ZNF804A: variants seen among roughly 807,000 people sequenced by gnomAD.
ZNF804A encodes zinc finger protein 804A.
In ZNF804A, 2 loss-of-function variants were observed where a neutral mutation model predicts 16.5. The observed-to-expected ratio is 0.12, with a 90% CI of 0.05 to 0.38. The LOEUF (loss-of-function observed/expected upper bound fraction) is 0.38. Among genes scored for constraint, ZNF804A ranks in the 10% least tolerant of loss-of-function variants. ZNF804A has a pLI of 0.99. For synonymous variants in ZNF804A, 534 were observed against 489.6 expected, an observed-to-expected ratio of 1.09 and a Z score of -1.20; for missense variants, 1,473 against 1,390.7, an observed-to-expected ratio of 1.06 and a Z score of -0.94.
At chr2:184,869,436 T>C (rs1259747948) in intron 2 of ZNF804A, among the ~76,000 whole-genome samples, 1 of 152,000 alleles carries the variant, frequency 6.6e-6, no homozygotes, top group Non-Finnish European at 1.5e-5. Flanking sequence ...GATTTATTAA[T>C]GGAATGAGTT....
chr2:184,757,215 T>C (rs922909079), intron 1 of ZNF804A, among the ~76,000 whole-genome samples: 3 of 152,020 alleles, frequency 2.0e-5, no homozygotes, highest in Non-Finnish European at 2.9e-5. Flanking sequence ...ATCAAGGAAG[T>C]GATCTTCAGA....
rs145326040 is a variant in ZNF804A at position 184,724,825 on chromosome 2, T to A, written c.111+125755T>A. ...AGACGTGAGAGTATGGCTAGAAATT[T>A]GTCAAATAGCAAAGTAGTTTTATAA... On this transcript the variant is annotated intron_variant, in intron 1 of 3. Transcript: ENST00000302277. Among the ~76,000 whole-genome samples, 519 of 151,848 alleles carry A rather than the reference T, an allele frequency of 3.4e-3. 2 individuals carry two copies. Among genetic ancestry groups the A allele is most frequent in the African/African-American group, 0.012 (490 of 41,522 alleles).
chr2:184,748,341 C>A (rs1207253179), intron 1 of ZNF804A, among the ~76,000 whole-genome samples: 1 of 149,962 alleles, frequency 6.7e-6, no homozygotes, highest in African/African-American at 2.4e-5. Flanking sequence ...GAGATGGTTT[C>A]TCATTGGGAT....
chr2:184,617,752 A>T (rs1460467590), intron 1 of ZNF804A, among the ~76,000 whole-genome samples: 1 of 151,564 alleles, frequency 6.6e-6, no homozygotes, highest in Non-Finnish European at 1.5e-5. Flanking sequence ...AACACCTTTG[A>T]TTAATCTTCT....
intron 1 of ZNF804A, among the ~76,000 whole-genome samples, chr2:184,767,079 A>G (rs1694139697): frequency 6.6e-6 from 1 of 152,260 alleles, no homozygotes; most frequent in Non-Finnish European, 1.5e-5. Context: ...GAAGAATGTA[A>G]CCTTAACAGC....
At chr2:184,646,493 C>T (rs955692634) in intron 1 of ZNF804A, among the ~76,000 whole-genome samples, 5 of 152,168 alleles carry the variant, frequency 3.3e-5, no homozygotes, top group Admixed American at 3.3e-4. Context: ...GATCAGCAAC[C>T]TGACCTGCCC....
At chr2:184,639,062 C>G (rs1356766796) in intron 1 of ZNF804A, among the ~76,000 whole-genome samples, 2 of 149,934 alleles carry the variant, frequency 1.3e-5, no homozygotes, top group Non-Finnish European at 3.0e-5. Flanking sequence ...TCTAGGAAGC[C>G]CCCTCCTTTT....
rs148061123 is a variant in ZNF804A, at chr2:184,677,724, A to G, written c.111+78654A>G. ...ATATCAAAGTTATATTACTAACTCA[A>G]TGTTCAAAATGATTTAAAAGAAAGC... is the stretch of plus-strand genomic sequence containing the variant. On this transcript the variant is annotated intron_variant, in intron 1 of 3. Transcript: ENST00000302277. Among the ~76,000 whole-genome samples the G allele has an allele frequency of 3.1e-3, 473 of 152,164 alleles. 2 individuals are homozygous for G. The highest frequency in any genetic ancestry group is 8.5e-3 in the African/African-American group (355 of 41,574).
At position 184,772,907 on chromosome 2, in the gene ZNF804A, C is replaced by T. The variant is rs975942745; in HGVS notation, c.112-93462C>T. The stretch of plus-strand genomic sequence containing the variant: ...TGAGGGCTACTTTAAAATACATACA[C>T]ACACACACACACACACCCCACACAC... On this transcript the variant is annotated intron_variant, in intron 1 of 3. Coordinates refer to ENST00000302277, the MANE Select transcript of ZNF804A (RefSeq NM_194250.2). Among the ~76,000 whole-genome samples, 343 of 146,524 alleles carry T rather than the reference C, an allele frequency of 2.3e-3. 1 individual carries two copies. Among genetic ancestry groups the T allele is most frequent in the African/African-American group, 7.9e-3 (315 of 40,048 alleles).
intron 1 of ZNF804A, among the ~76,000 whole-genome samples, chr2:184,831,174 C>T (rs1298128453): frequency 2.0e-5 from 3 of 151,992 alleles, no homozygotes; most frequent in Non-Finnish European, 2.9e-5. Flanking sequence ...TATTTATACG[C>T]CCGCTTTTAT....
chr2:184,683,557 A>T (rs1692576206), intron 1 of ZNF804A, among the ~76,000 whole-genome samples: 1 of 152,096 alleles, frequency 6.6e-6, no homozygotes, highest in Non-Finnish European at 1.5e-5. Flanking sequence ...ATTTTTCAGA[A>T]TTTTGGGCTA....
At chr2:184,831,064 C>T (rs1467656083) in intron 1 of ZNF804A, among the ~76,000 whole-genome samples, 4 of 152,044 alleles carry the variant, frequency 2.6e-5, no homozygotes, top group African/African-American at 4.8e-5. Context: ...TGGTATATTT[C>T]ATAAATTTTT....
intron 1 of ZNF804A, among the ~76,000 whole-genome samples, chr2:184,686,364 C>T (rs1692632111): frequency 6.6e-6 from 1 of 152,202 alleles, no homozygotes; most frequent in South Asian, 2.1e-4. Flanking sequence ...GTGGCCGCTC[C>T]AGACAGACCG....
chr2:184,690,961 A>G (rs901183805), intron 1 of ZNF804A, among the ~76,000 whole-genome samples: 6 of 152,054 alleles, frequency 3.9e-5, no homozygotes, highest in Non-Finnish European at 5.9e-5. Flanking sequence ...AAATAAATAT[A>G]TGCAAAAAAA....
chr2:184,852,115 A>C (rs1420918077), intron 1 of ZNF804A, among the ~76,000 whole-genome samples: 1 of 151,792 alleles, frequency 6.6e-6, no homozygotes, highest in Non-Finnish European at 1.5e-5. Context: ...TTGAAAATAC[A>C]GTAGTCACCT....
rs753289146 is a variant in ZNF804A at position 184,936,046 on chromosome 2, C to T, written c.650C>T (p.Ala217Val). Residue 217 changes from alanine to valine, a missense_variant, in exon 4 of 4, where the codon GCA (alanine) becomes GTA (valine). Ala to Val is a moderately conservative substitution (Grantham distance 64). Transcript: ENST00000302277. ...IHRHKIGFSF[A>V]FPKKASVKLE... ...AGACACAAAATCGGCTTTTCTTTTGCATTTCCAAAGAAAGCGTCCGTGAAG... is the reference window on the plus strand; with the variant it reads ...AGACACAAAATCGGCTTTTCTTTTGTATTTCCAAAGAAAGCGTCCGTGAAG... 1.5e-5 allele frequency: 24 copies of T among 1,613,910 alleles called. No individual in the cohort carries two copies. The South Asian group carries it at 2.2e-4, about 15-fold the overall frequency.
At chr2:184,684,898 T>C (rs1692603006) in intron 1 of ZNF804A, among the ~76,000 whole-genome samples, 1 of 152,196 alleles carries the variant, frequency 6.6e-6, no homozygotes, top group African/African-American at 2.4e-5. Flanking sequence ...TTATTCTCTT[T>C]TATGGCTGCA....
chr2:184,795,148 C>T (rs944795086), intron 1 of ZNF804A, among the ~76,000 whole-genome samples: 4 of 152,060 alleles, frequency 2.6e-5, no homozygotes, highest in Admixed American at 1.3e-4. Context: ...GAAGTTTCTC[C>T]AGGGTAGACC....
chr2:184,711,310 A>G (rs1344683457), intron 1 of ZNF804A, among the ~76,000 whole-genome samples: 2 of 151,714 alleles, frequency 1.3e-5, no homozygotes, highest in Non-Finnish European at 3.0e-5. Flanking sequence ...ATTACTTTGG[A>G]GAACTGTTTT....
Sources: allele counts gnomAD v4.1 joint callset (sites outside exome capture counted in the v4.1 genomes callset), GRCh38; gene constraint gnomAD v4.1.1; transcripts MANE v1.5; gene names NCBI Gene and HGNC (gene_info 2026-07-23, HGNC 2026-07-21).